The following RIMS2 variants were observed in gnomAD, a reference collection of about 807,000 sequenced individuals.
The protein encoded by RIMS2 is regulating synaptic membrane exocytosis protein 2.
A neutral mutation model predicts 174.4 loss-of-function variants in RIMS2; 59 were observed. The observed-to-expected ratio is 0.34, with a 90% CI of 0.27 to 0.42. RIMS2 has a LOEUF of 0.42. Ranked by LOEUF, RIMS2 falls within the 10% of genes least tolerant of loss-of-function variation. The pLI is 1.00. For missense variants in RIMS2, 1,620 were observed against 1,666.3 expected (o/e 0.97, Z 0.48); for synonymous variants, 606 against 572.5 (o/e 1.06, Z -0.84).
chr8:103,779,868 A>T (rs200448089), intron 3 of RIMS2, among the ~76,000 whole-genome samples: 1 of 151,560 alleles, frequency 6.6e-6, no homozygotes, highest in Non-Finnish European at 1.5e-5. Flanking sequence ...AAACCTGCAC[A>T]TTGTGCACAT....
chr8:103,572,355 CGATTGGT>C (rs2092889067), intron 1 of RIMS2, among the ~76,000 whole-genome samples: 1 of 139,372 alleles, frequency 7.2e-6, no homozygotes, highest in African/African-American at 3.3e-5. Flanking sequence ...CACGCCTTGC[CGATTGGT>C]CCATTTTACA....
At chr8:103,604,431 G>C (rs921381075) in intron 1 of RIMS2, among the ~76,000 whole-genome samples, 3 of 152,138 alleles carry the variant, frequency 2.0e-5, no homozygotes, top group South Asian at 2.1e-4. Context: ...GTCAGGTAGT[G>C]TGATGCCTCC....
At position 104,217,986 on chromosome 8, in the gene RIMS2, C is replaced by T. The variant is rs77927765; in HGVS notation, c.3335-26930C>T. On this transcript the variant is annotated intron_variant, in intron 19 of 23. Transcript: ENST00000504942. ...AACCAAAATATATCCACAAATATTCCTATTTAGCATAAAGACACTTGTATG... is the reference window on the plus strand; with the variant it reads ...AACCAAAATATATCCACAAATATTCTTATTTAGCATAAAGACACTTGTATG... Among the ~76,000 whole-genome samples, 1,412 of 152,228 alleles carry T rather than the reference C, an allele frequency of 9.3e-3. 20 individuals carry two copies. The highest frequency in any genetic ancestry group is 0.033 in the African/African-American group (1,362 of 41,528).
At chr8:103,987,337 A>G (rs1413288957) in intron 16 of RIMS2, among the ~76,000 whole-genome samples, 4 of 152,156 alleles carry the variant, frequency 2.6e-5, no homozygotes, top group Admixed American at 2.0e-4. Flanking sequence ...AAACCTTACC[A>G]TGAATTTAAA....
intron 1 of RIMS2, among the ~76,000 whole-genome samples, chr8:103,508,011 A>T (rs1824529104): frequency 1.3e-5 from 2 of 152,162 alleles, no homozygotes; most frequent in African/African-American, 4.8e-5. Context: ...ATGTCAGACT[A>T]ATCTTACTAG....
intron 20 of RIMS2, among the ~76,000 whole-genome samples, chr8:104,245,973 G>A (rs1177287273): frequency 1.3e-5 from 2 of 152,158 alleles, no homozygotes; most frequent in Non-Finnish European, 2.9e-5. Flanking sequence ...TTGAGGTCGG[G>A]GGGAGAAATA....
chr8:104,073,058 A>AT (rs759765619), intron 19 of RIMS2, among the ~76,000 whole-genome samples: 2 of 152,214 alleles, frequency 1.3e-5, no homozygotes, highest in South Asian at 4.1e-4. Context: ...GGATCAACGT[A>AT]TTTTTTCTAT....
At chr8:103,878,501 G>T (rs546020912) in intron 3 of RIMS2, among the ~76,000 whole-genome samples, 2 of 151,918 alleles carry the variant, frequency 1.3e-5, no homozygotes, top group South Asian at 4.1e-4. Context: ...TTGCATCTCA[G>T]TTCATTGGAG....
chr8:103,841,934 G>A (rs11782394), intron 3 of RIMS2, among the ~76,000 whole-genome samples: 19,984 of 150,746 alleles, frequency 0.13, 1,763 homozygotes, highest in Non-Finnish European at 0.2. Context: ...CAGCTTGGGC[G>A]ACAAAGCGAG....
chr8:103,612,196 A>G lies in RIMS2; in HGVS notation c.177-84890A>G, dbSNP rs183512253. On this transcript the variant is annotated intron_variant, in intron 1 of 23. Coordinates refer to ENST00000504942, the Ensembl canonical transcript of RIMS2. ...GAATTTTGAATTCCTTCCCTGTGTT[A>G]TCTTGAATTTCTTTGAGTTTTCTTA... 4.9e-4 allele frequency among the ~76,000 whole-genome samples: 75 copies of G among 152,098 alleles called. 1 individual carries two copies. The Middle Eastern group carries it at 0.017, about 34-fold the overall frequency.
chr8:104,148,692 T>C (rs2098664426), intron 19 of RIMS2: 1 of 1,598,230 alleles, frequency 6.3e-7, no homozygotes, highest in South Asian at 1.1e-5. Flanking sequence ...TGGAGACATG[T>C]GCTCACTGGA....
chr8:103,608,074 G>A (rs964389157), intron 1 of RIMS2, among the ~76,000 whole-genome samples: 71 of 149,844 alleles, frequency 4.7e-4, no homozygotes, highest in African/African-American at 1.5e-3. Context: ...GAGGAGAGGC[G>A]CTCTGCTTTT....
At chr8:103,502,755 T>C (rs974581630) in intron 1 of RIMS2, among the ~76,000 whole-genome samples, 13 of 152,070 alleles carry the variant, frequency 8.5e-5, no homozygotes, top group Non-Finnish European at 1.6e-4. Context: ...AAAATGATGC[T>C]CCAGTAAAAT....
At chr8:103,746,395 A>C (rs919108930) in intron 2 of RIMS2, among the ~76,000 whole-genome samples, 1 of 152,148 alleles carries the variant, frequency 6.6e-6, no homozygotes, top group Non-Finnish European at 1.5e-5. Flanking sequence ...GAGGTCTCTG[A>C]TACCTCATTA....
At chr8:103,526,355 A>G (rs1222193500) in intron 1 of RIMS2, among the ~76,000 whole-genome samples, 1 of 152,222 alleles carries the variant, frequency 6.6e-6, no homozygotes, top group African/African-American at 2.4e-5. Context: ...GGTGGAAGAT[A>G]ATACCATCCT....
intron 2 of RIMS2, among the ~76,000 whole-genome samples, chr8:103,698,376 G>A (rs970708503): frequency 1.2e-4 from 18 of 152,088 alleles, no homozygotes; most frequent in East Asian, 1.9e-4. Flanking sequence ...TTAGCTGTAC[G>A]CTTTTCACAG....
At chr8:103,817,316 A>T (rs2098723989) in intron 3 of RIMS2, among the ~76,000 whole-genome samples, 1 of 152,216 alleles carries the variant, frequency 6.6e-6, no homozygotes, top group Non-Finnish European at 1.5e-5. Flanking sequence ...TGGCCATTTT[A>T]CAATAGGTGT....
chr8:103,666,686 C>A (rs2136236776), intron 1 of RIMS2, among the ~76,000 whole-genome samples: 1 of 152,230 alleles, frequency 6.6e-6, no homozygotes, highest in Non-Finnish European at 1.5e-5. Context: ...TGAGTGACTC[C>A]ATCTTGATTT....
intron 19 of RIMS2, among the ~76,000 whole-genome samples, chr8:104,191,392 C>CAT (rs1160741617): frequency 2.3e-4 from 35 of 151,980 alleles, no homozygotes; most frequent in Non-Finnish European, 4.9e-4. Flanking sequence ...TCACTAGTTT[C>CAT]ATATATATAT....
Sources: gnomAD v4.1 joint callset for allele counts (sites outside exome capture counted in the v4.1 genomes callset) on GRCh38, gnomAD v4.1.1 for gene constraint, MANE v1.5 for transcripts, NCBI Gene and HGNC (gene_info 2026-07-23, HGNC 2026-07-21) for gene names.